The following DNAAF9 variants were observed in gnomAD, a reference collection of about 807,000 sequenced individuals.
DNAAF9 encodes the protein dynein axonemal assembly factor 9.
Under a neutral mutation model 167.0 loss-of-function variants are expected in DNAAF9, and 90 were observed. The observed-to-expected ratio is 0.54, with a 90% confidence interval of 0.45 to 0.64. The LOEUF is 0.64. Ranked by LOEUF, DNAAF9 falls within the 30% of genes least tolerant of loss-of-function variation. The probability of loss-of-function intolerance (pLI) is 0.00; values close to 1 mark genes in which losing one functional copy is unlikely to be tolerated. For synonymous variants in DNAAF9, 491 were observed against 508.8 expected, an observed-to-expected ratio of 0.96 and a Z score of 0.47; for missense variants, 1,315 against 1,442.2, an observed-to-expected ratio of 0.91 and a Z score of 1.43.
In DNAAF9 at chr20:3,270,545, C is replaced by CCA; in HGVS notation, c.2666_2667dup (p.Val890TrpfsTer47). 6.2e-7 allele frequency: 1 copy of CCA among 1,612,542 alleles called. No homozygotes were observed. Among genetic ancestry groups the CCA allele is most frequent in the Non-Finnish European group, 8.5e-7 (1 of 1,179,546 alleles). On this transcript the variant is annotated frameshift_variant, in exon 30 of 37. Transcript: ENST00000252032. LOFTEE classifies it high-confidence loss of function. ...TGCTCCGTGGTGTGACTGGTGAATACCACGTTACTCACCAGGCCTGGGAAT... is the reference window on the plus strand; with the variant it reads ...TGCTCCGTGGTGTGACTGGTGAATACCACACGTTACTCACCAGGCCTGGGAAT...
rs6139106 is a variant in DNAAF9, at chr20:3,387,290, A to C, written c.84-4784T>G. ...AAGCTACAGTCATCAACAGTGGGATACTGGCATAAGACAGATATACAGACC... is the reference window on the plus strand; with the variant it reads ...AAGCTACAGTCATCAACAGTGGGATCCTGGCATAAGACAGATATACAGACC... On this transcript the variant is annotated intron_variant, in intron 1 of 36. Transcript: ENST00000252032. 6.2e-3 allele frequency among the ~76,000 whole-genome samples: 948 copies of C among 152,334 alleles called. 69 individuals are homozygous for C. The East Asian group carries it at 0.15, about 24-fold the overall frequency.
At position 3,294,160 on chromosome 20, in the gene DNAAF9, A is replaced by G. The variant is rs78253076; in HGVS notation, c.2217T>C (p.Thr739=). 145 of 1,595,688 alleles carry G rather than the reference A, an allele frequency of 9.1e-5. No homozygotes were observed. In the African/African-American group the frequency reaches 1.8e-3, roughly 19 times the overall value. Residue 739 remains threonine (T), a synonymous_variant, in exon 25 of 37, where the codon ACT becomes ACC. Transcript: ENST00000252032. ...CTACCTTGTCACTTTCTATTCTGTGAGTAGTGTTGATTTCAGCTTGCTGCA... is the reference window on the plus strand; with the variant it reads ...CTACCTTGTCACTTTCTATTCTGTGGGTAGTGTTGATTTCAGCTTGCTGCA... ...VLLQQAEINT[T]HRIESDKVII...
intron 14 of DNAAF9, 147 bp from the exon 15 acceptor site, chr20:3,322,843 T>C: frequency 2.8e-6 from 2 of 721,110 alleles, no homozygotes; most frequent in East Asian, 2.5e-5. Context: ...TTTTGGATAC[T>C]TTCCCCAGGG....
At chr20:3,353,392 G>A (rs9789821) in intron 7 of DNAAF9, among the ~76,000 whole-genome samples, 64,957 of 151,688 alleles carry the variant, frequency 0.43, 13,970 homozygotes, top group Middle Eastern at 0.57. Context: ...ATCCACTTTG[G>A]GAGTGGGCAG....
chr20:3,315,816 C>G lies in DNAAF9; in HGVS notation c.1540-31G>C. Reference sequence around the variant, plus strand: ...TCCAAAAGGAATGCAGATTTTCAGTCAACTACTTCAAGGGAAAACCCTGCT... The same window carrying G: ...TCCAAAAGGAATGCAGATTTTCAGTGAACTACTTCAAGGGAAAACCCTGCT... On this transcript the variant is annotated intron_variant, in intron 18 of 36. Transcript: ENST00000252032. The surrounding 1 kb of genome is among the most constrained non-coding windows in gnomAD (Gnocchi z 4.1). 6.4e-7 allele frequency: 1 copy of G among 1,565,008 alleles called. No individual in the cohort carries two copies. The highest frequency in any genetic ancestry group is 8.8e-7 in the Non-Finnish European group (1 of 1,135,178).
intron 36 of DNAAF9, 108 bp from the exon 37 acceptor site, chr20:3,252,792 G>A: frequency 1.4e-6 from 1 of 727,938 alleles, no homozygotes; most frequent in South Asian, 1.5e-5. Flanking sequence ...GGAAGTGAGT[G>A]TCTGGCCCAT....
intron 33 of DNAAF9, among the ~76,000 whole-genome samples, chr20:3,258,523 G>T (rs1234493521): frequency 6.6e-6 from 1 of 152,146 alleles, no homozygotes; most frequent in Non-Finnish European, 1.5e-5. Context: ...AGTCGGCAGA[G>T]AAATTGGGGG....
chr20:3,336,567 G>C (rs754888495), intron 10 of DNAAF9, among the ~76,000 whole-genome samples: 1 of 151,876 alleles, frequency 6.6e-6, no homozygotes, highest in Non-Finnish European at 1.5e-5. Flanking sequence ...ATTTATTTTT[G>C]AGATGGAGTT....
chr20:3,294,229 G>A lies in DNAAF9; in HGVS notation c.2148C>T (p.Ser716=). 6.2e-7 allele frequency: 1 copy of A among 1,612,026 alleles called. No individual in the cohort carries two copies. The highest frequency in any genetic ancestry group is 8.5e-7 in the Non-Finnish European group (1 of 1,178,156). ...TCCGCATCACAGGCTCCTGGCTAATGCTGCTGATGGCGAAATGCTGGAGAA... is the reference window on the plus strand; with the variant it reads ...TCCGCATCACAGGCTCCTGGCTAATACTGCTGATGGCGAAATGCTGGAGAA... The part of the protein sequence containing the change: ...DWFLQHFAIS[S]ISQEPVMRTH... Residue 716 remains serine, a synonymous_variant, in exon 25 of 37, where the codon AGC becomes AGT. Transcript: ENST00000252032.
At chr20:3,348,747 G>A (rs905652769) in intron 7 of DNAAF9, 124 bp from the exon 8 acceptor site, 3 of 547,272 alleles carry the variant, frequency 5.5e-6, no homozygotes, top group East Asian at 2.9e-5. Context: ...ATTTTACAAG[G>A]TAGTAGCAAA....
intron 6 of DNAAF9, chr20:3,362,309 C>T: frequency 1.1e-6 from 1 of 939,466 alleles, no homozygotes; most frequent in East Asian, 2.4e-5. Context: ...ACTACTGAGC[C>T]TGTGGTGGCT....
intron 1 of DNAAF9, among the ~76,000 whole-genome samples, chr20:3,394,608 A>AT (rs1568647637): frequency 6.6e-6 from 1 of 152,102 alleles, no homozygotes; most frequent in African/African-American, 2.4e-5. Flanking sequence ...TTCCACTGGA[A>AT]TTTTTTTACT....
chr20:3,376,110 G>C, intron 4 of DNAAF9, 68 bp downstream of exon 4: 1 of 1,403,642 alleles, frequency 7.1e-7, no homozygotes, highest in Non-Finnish European at 9.8e-7. Context: ...TCCTATTTCA[G>C]ATCAACACTT....
intron 26 of DNAAF9, among the ~76,000 whole-genome samples, chr20:3,288,662 G>A (rs186065955): frequency 4.6e-5 from 7 of 151,478 alleles, no homozygotes; most frequent in Admixed American, 6.5e-5. Context: ...ATTTCTTTAC[G>A]GCCTCCTGCA....
chr20:3,339,357 T>C (rs891834256), intron 10 of DNAAF9, among the ~76,000 whole-genome samples: 7 of 152,230 alleles, frequency 4.6e-5, no homozygotes, highest in African/African-American at 1.4e-4. Flanking sequence ...AATTTTTTGT[T>C]GAAAGCCAAA....
chr20:3,361,559 G>T (rs1159287277), intron 6 of DNAAF9, among the ~76,000 whole-genome samples: 1 of 152,172 alleles, frequency 6.6e-6, no homozygotes, highest in African/African-American at 2.4e-5. Context: ...ACTGTGTGAT[G>T]TGTCTTTTCA....
At chr20:3,275,197 A>G (rs571167704) in intron 29 of DNAAF9, among the ~76,000 whole-genome samples, 2 of 152,330 alleles carry the variant, frequency 1.3e-5, no homozygotes, top group African/African-American at 4.8e-5. Context: ...GATGGCAGAC[A>G]TGGAAGCCAT....
rs183267559 is a variant in DNAAF9 at position 3,289,749 on chromosome 20, C to T, written c.2327+380G>A. Among the ~76,000 whole-genome samples, 443 of 152,088 alleles carry T rather than the reference C, an allele frequency of 2.9e-3. 19 individuals are homozygous for T. The highest frequency in any genetic ancestry group is 0.026 in the Admixed American group (401 of 15,280). ...CTGGTCTCAAATTCCTGGTCTCAGG[C>T]GATCTACCCACTTTTGCCTCCCAAA... On this transcript the variant is annotated intron_variant, in intron 26 of 36. Coordinates refer to ENST00000252032, the MANE Select transcript of DNAAF9 (RefSeq NM_001009984.3).
intron 20 of DNAAF9, among the ~76,000 whole-genome samples, chr20:3,314,278 T>C (rs2069463896): frequency 6.6e-6 from 1 of 151,708 alleles, no homozygotes; most frequent in Admixed American, 6.6e-5. Context: ...TGGGAGGAGG[T>C]AACAAGGGAC....
Sources: allele counts gnomAD v4.1 joint callset (sites outside exome capture counted in the v4.1 genomes callset), GRCh38; gene constraint gnomAD v4.1.1; non-coding constraint Gnocchi (gnomAD v3.1); transcripts MANE v1.5; gene names NCBI Gene and HGNC (gene_info 2026-07-23, HGNC 2026-07-21).